LRRIQ1: variants seen among roughly 807,000 people sequenced by gnomAD.
The protein encoded by LRRIQ1 is leucine-rich repeat- and IQ domain-containing protein 1.
A neutral mutation model predicts 211.9 loss-of-function variants in LRRIQ1; 210 were observed. The observed-to-expected ratio is 0.99, with a 90% CI of 0.89 to 1.11. The LOEUF is 1.11. Ranked by LOEUF, LRRIQ1 falls within the 50% of genes most tolerant of loss-of-function variation. LRRIQ1 has a pLI of 0.00. For synonymous variants in LRRIQ1, 699 were observed against 650.1 expected, an observed-to-expected ratio of 1.08 and a Z score of -1.14; for missense variants, 2,136 against 1,939.5, an observed-to-expected ratio of 1.10 and a Z score of -1.90.
chr12:85,119,947 C>T (rs1055380263), intron 15 of LRRIQ1, among the ~76,000 whole-genome samples: 3 of 152,124 alleles, frequency 2.0e-5, no homozygotes, highest in African/African-American at 7.2e-5. Context: ...GAAATGTTGT[C>T]TCCCAGTCTG....
intron 23 of LRRIQ1, 54 bp from the exon 24 acceptor site, chr12:85,160,557 TAG>T: frequency 9.2e-7 from 1 of 1,091,026 alleles, no homozygotes; most frequent in Non-Finnish European, 1.4e-6. Context: ...TGTGGACATT[TAG>T]AGAAGGAATT....
At chr12:85,107,757 G>A (rs1391482484) in intron 15 of LRRIQ1, among the ~76,000 whole-genome samples, 1 of 151,758 alleles carries the variant, frequency 6.6e-6, no homozygotes, top group Admixed American at 6.6e-5. Context: ...ACTCCGAATA[G>A]TTTCTATTGC....
chr12:85,099,598 A>C (rs1886184842), intron 13 of LRRIQ1, among the ~76,000 whole-genome samples: 1 of 151,866 alleles, frequency 6.6e-6, no homozygotes, highest in Non-Finnish European at 1.5e-5. Context: ...CAATATGTGT[A>C]TTTCTCCTCT....
chr12:85,220,964 C>T (rs1894373434), intron 24 of LRRIQ1, among the ~76,000 whole-genome samples: 1 of 151,696 alleles, frequency 6.6e-6, no homozygotes, highest in Non-Finnish European at 1.5e-5. Context: ...CGTGCAATAC[C>T]ACACACCCGG....
rs534208455 is a variant in LRRIQ1, at chr12:85,056,347, A to G, written c.1554A>G (p.Lys518=). The G allele has an allele frequency of 1.3e-5, 21 of 1,594,038 alleles. No individual in the cohort carries two copies. The highest frequency in any genetic ancestry group is 1.8e-5 in the Non-Finnish European group (21 of 1,174,918). Residue 518 remains lysine, a synonymous_variant, in exon 8 of 27, where the codon AAA becomes AAG. Coordinates refer to ENST00000393217, the MANE Select transcript of LRRIQ1 (RefSeq NM_001079910.2). ...CTGAATTGGGAAACTCTGATCTAAA[A>G]GGAAATCTGAAAGAACAGTTTCCAT... ...NKTELGNSDL[K]GNLKEQFPLQ...
intron 25 of LRRIQ1, among the ~76,000 whole-genome samples, chr12:85,230,831 C>T (rs1038412431): frequency 9.3e-5 from 14 of 151,320 alleles, no homozygotes; most frequent in African/African-American, 3.2e-4. Context: ...GGGCGGATCA[C>T]GAGGTCAGGA....
At chr12:85,062,087 A>G (rs950490873) in intron 8 of LRRIQ1, among the ~76,000 whole-genome samples, 2 of 151,852 alleles carry the variant, frequency 1.3e-5, no homozygotes, top group East Asian at 1.9e-4. Flanking sequence ...ACTGCATTCT[A>G]AAATTTTGTA....
intron 15 of LRRIQ1, among the ~76,000 whole-genome samples, chr12:85,114,684 A>C (rs2136375229): frequency 7.0e-6 from 1 of 142,712 alleles, no homozygotes; most frequent in East Asian, 2.0e-4. Flanking sequence ...ATTTATAAGT[A>C]TGAAAAATGA....
chr12:85,175,504 T>G (rs952769269), intron 24 of LRRIQ1, among the ~76,000 whole-genome samples: 1 of 152,112 alleles, frequency 6.6e-6, no homozygotes, highest in Non-Finnish European at 1.5e-5. Context: ...AAAGAAGGGT[T>G]TCTATATGGT....
At chr12:85,164,895 A>C (rs1891073825) in intron 24 of LRRIQ1, among the ~76,000 whole-genome samples, 2 of 152,212 alleles carry the variant, frequency 1.3e-5, no homozygotes, top group Admixed American at 6.5e-5. Context: ...AAAAAAGTAA[A>C]GACTAATTAT....
intron 24 of LRRIQ1, among the ~76,000 whole-genome samples, chr12:85,209,692 C>G (rs1394710131): frequency 2.0e-5 from 3 of 152,002 alleles, no homozygotes; most frequent in East Asian, 3.9e-4. Context: ...AAGATTTATT[C>G]TTAATATTTT....
chr12:85,244,271 AT>A (rs1593019679), intron 26 of LRRIQ1, among the ~76,000 whole-genome samples: 1 of 151,466 alleles, frequency 6.6e-6, no homozygotes. Context: ...TATTAAATAT[AT>A]TTTTATATTG....
chr12:85,217,468 A>ATG (rs1894145263), intron 24 of LRRIQ1, among the ~76,000 whole-genome samples: 3 of 71,990 alleles, frequency 4.2e-5, no homozygotes, highest in South Asian at 7.0e-4. Context: ...GACCTGAAGT[A>ATG]TATATATATA....
chr12:85,261,102 C>T (rs1896272015), intron 1 of LRRIQ1, among the ~76,000 whole-genome samples: 1 of 152,144 alleles, frequency 6.6e-6, no homozygotes, highest in Non-Finnish European at 1.5e-5. Context: ...CAAGTGCCAA[C>T]CATGAAGGTC....
At position 85,106,537 on chromosome 12, in the gene LRRIQ1, T is replaced by G. The variant is rs763102144; in HGVS notation, c.3299T>G (p.Ile1100Arg). ...TTTTCTGTAGATCTTAAAAGTGCCA[T>G]AAAATGGTTTGATGCATGCTATTCT... ...HNCLSDLKSA[I>R]KWFDACYSLH... Residue 1100 changes from isoleucine to arginine, a missense_variant, in exon 15 of 27, where the codon ATA becomes AGA. By Grantham distance (97) the Ile-to-Arg change is moderately conservative. Transcript: ENST00000393217. 4 of 1,608,586 alleles carry G rather than the reference T, an allele frequency of 2.5e-6. No homozygotes were observed. The Admixed American group carries it at 6.8e-5, about 27-fold the overall frequency.
intron 24 of LRRIQ1, among the ~76,000 whole-genome samples, chr12:85,223,717 A>G (rs1053703351): frequency 6.6e-6 from 1 of 152,148 alleles, no homozygotes; most frequent in Non-Finnish European, 1.5e-5. Context: ...AAATCAACCA[A>G]TGGTCAGGAG....
intron 11 of LRRIQ1, among the ~76,000 whole-genome samples, chr12:85,095,496 G>A (rs953873773): frequency 2.0e-5 from 3 of 152,080 alleles, no homozygotes; most frequent in Non-Finnish European, 2.9e-5. Context: ...CTTTTTTTAT[G>A]TGCTGCTAGA....
chr12:85,120,095 C>G (rs1292697312), intron 15 of LRRIQ1, among the ~76,000 whole-genome samples: 2 of 152,046 alleles, frequency 1.3e-5, no homozygotes, highest in Non-Finnish European at 2.9e-5. Context: ...TGCATTTTAT[C>G]TAAAAAATCA....
At chr12:85,206,598 C>T (rs1893560468) in intron 24 of LRRIQ1, among the ~76,000 whole-genome samples, 1 of 152,026 alleles carries the variant, frequency 6.6e-6, no homozygotes, top group Non-Finnish European at 1.5e-5. Flanking sequence ...GGTGCTCCTG[C>T]ATGAGTGATT....
Sources: gnomAD v4.1 joint callset for allele counts (sites outside exome capture counted in the v4.1 genomes callset) on GRCh38, gnomAD v4.1.1 for gene constraint, MANE v1.5 for transcripts, NCBI Gene and HGNC (gene_info 2026-07-23, HGNC 2026-07-21) for gene names.